The following GRID2 variants were observed in gnomAD, a reference collection of about 807,000 sequenced individuals.
GRID2 encodes the protein glutamate ionotropic receptor delta type subunit 2, also known as glutamate receptor ionotropic, delta-2.
A neutral mutation model predicts 114.8 loss-of-function variants in GRID2; 33 were observed. That is an observed-to-expected ratio of 0.29 (90% CI 0.22 to 0.38). The LOEUF (loss-of-function observed/expected upper bound fraction) is 0.38, where lower values mean the gene tolerates loss of function less well. Ranked by LOEUF, GRID2 falls within the 10% of genes least tolerant of loss-of-function variation. The pLI is 1.00. For missense variants in GRID2, 1,184 were observed against 1,257.7 expected (o/e 0.94, Z 0.89); for synonymous variants, 505 against 449.9 (o/e 1.12, Z -1.55).
chr4:93,191,652 A>G (rs766021103), intron 4 of GRID2, among the ~76,000 whole-genome samples: 8 of 152,094 alleles, frequency 5.3e-5, no homozygotes, highest in Non-Finnish European at 1.2e-4. Flanking sequence ...AAATAGCAAT[A>G]AACATTTATT....
intron 2 of GRID2, among the ~76,000 whole-genome samples, chr4:92,616,382 A>G (rs1178760941): frequency 1.3e-5 from 2 of 151,346 alleles, no homozygotes; most frequent in East Asian, 2.0e-4. Flanking sequence ...GATGAGTTAC[A>G]TTTCTCTTGT....
intron 1 of GRID2, among the ~76,000 whole-genome samples, chr4:92,413,856 A>T (rs749066059): frequency 6.6e-6 from 1 of 152,158 alleles, no homozygotes; most frequent in Non-Finnish European, 1.5e-5. Context: ...AAGAGAGATG[A>T]TCCCTACAAA....
intron 1 of GRID2, among the ~76,000 whole-genome samples, chr4:92,367,734 T>C (rs1008536962): frequency 6.6e-6 from 1 of 152,088 alleles, no homozygotes; most frequent in Non-Finnish European, 1.5e-5. Flanking sequence ...ATAAGATTTT[T>C]AAAATGTGTC....
At chr4:92,881,820 T>C (rs1303265067) in intron 2 of GRID2, among the ~76,000 whole-genome samples, 1 of 152,160 alleles carries the variant, frequency 6.6e-6, no homozygotes, top group Non-Finnish European at 1.5e-5. Flanking sequence ...AATATATGTT[T>C]TGATGTGATA....
intron 5 of GRID2, among the ~76,000 whole-genome samples, chr4:93,208,228 T>C (rs930413270): frequency 4.6e-5 from 7 of 151,974 alleles, no homozygotes; most frequent in Non-Finnish European, 1.0e-4. Context: ...AGATTTCTTT[T>C]AGGGACAAAA....
At chr4:93,184,482 A>G (rs969625846) in intron 4 of GRID2, among the ~76,000 whole-genome samples, 6 of 141,936 alleles carry the variant, frequency 4.2e-5, no homozygotes, top group South Asian at 2.4e-4. Context: ...CAACAGGATT[A>G]GTTCACTTTA....
chr4:92,491,614 A>G (rs558877474), intron 1 of GRID2, among the ~76,000 whole-genome samples: 1 of 151,984 alleles, frequency 6.6e-6, no homozygotes, highest in African/African-American at 2.4e-5. Flanking sequence ...TTTCATTGTC[A>G]TGTTTCACAT....
At position 92,304,482 on chromosome 4, in the gene GRID2, G is replaced by C. The variant is rs1238510961; in HGVS notation, c.-175G>C. The C allele has an allele frequency of 1.6e-6, 1 of 620,166 alleles. No homozygotes were observed. Among genetic ancestry groups the C allele is most frequent in the African/African-American group, 1.9e-5 (1 of 53,974 alleles). The allele number at this position is 620,166 out of a possible 1,614,324, so 38.4% of individuals were successfully genotyped here. A position where few individuals can be genotyped will look rare whatever the true frequency, so the allele number is the denominator to read the frequency against. On this transcript the variant is annotated 5_prime_UTR_variant, in exon 1 of 16. Transcript: ENST00000282020. ...GGTTTCCTCAGGCTGGGCTCTTTCTGTCATTCCCTTCTGCCTTTCTCGGCG... is the reference window on the plus strand; with the variant it reads ...GGTTTCCTCAGGCTGGGCTCTTTCTCTCATTCCCTTCTGCCTTTCTCGGCG...
intron 1 of GRID2, among the ~76,000 whole-genome samples, chr4:92,334,372 G>T (rs1343904469): frequency 6.6e-6 from 1 of 152,024 alleles, no homozygotes; most frequent in Admixed American, 6.6e-5. Flanking sequence ...AATTCTTCCT[G>T]CCTCTATCCA....
intron 1 of GRID2, among the ~76,000 whole-genome samples, chr4:92,373,712 C>T (rs894651910): frequency 1.3e-5 from 2 of 152,098 alleles, no homozygotes; most frequent in Non-Finnish European, 2.9e-5. Flanking sequence ...ACTACTCATA[C>T]AAATTGAATT....
chr4:92,381,241 G>C (rs1181233271), intron 1 of GRID2, among the ~76,000 whole-genome samples: 1 of 151,984 alleles, frequency 6.6e-6, no homozygotes, highest in Non-Finnish European at 1.5e-5. Context: ...GCCAGGTGAC[G>C]GAGTGACTGA....
At chr4:93,127,101 T>C (rs1734347755) in intron 4 of GRID2, among the ~76,000 whole-genome samples, 1 of 152,208 alleles carries the variant, frequency 6.6e-6, no homozygotes, top group African/African-American at 2.4e-5. Context: ...ATTTCACAAA[T>C]AAAAATTTTG....
intron 4 of GRID2, among the ~76,000 whole-genome samples, chr4:93,184,343 G>A (rs1196582572): frequency 1.3e-5 from 2 of 152,004 alleles, no homozygotes; most frequent in African/African-American, 2.4e-5. Context: ...TACTTAAGTG[G>A]TGTATTTACT....
chr4:93,267,399 C>T (rs1430052890), intron 8 of GRID2, among the ~76,000 whole-genome samples: 2 of 151,992 alleles, frequency 1.3e-5, no homozygotes, highest in Non-Finnish European at 2.9e-5. Flanking sequence ...GGAGAAATGC[C>T]CCAGCAGGGG....
chr4:93,428,008 G>C (rs1769019807), intron 10 of GRID2, among the ~76,000 whole-genome samples: 1 of 151,848 alleles, frequency 6.6e-6, no homozygotes, highest in African/African-American at 2.4e-5. Context: ...GAAATAAAAA[G>C]TATATCAAGT....
intron 1 of GRID2, among the ~76,000 whole-genome samples, chr4:92,318,722 C>T (rs768550820): frequency 2.0e-5 from 3 of 151,898 alleles, no homozygotes; most frequent in Non-Finnish European, 4.4e-5. Context: ...GATCTGCCCA[C>T]CTCAGCCTCC....
intron 2 of GRID2, among the ~76,000 whole-genome samples, chr4:92,611,513 A>G (rs1226026590): frequency 6.6e-6 from 1 of 151,556 alleles, no homozygotes; most frequent in Admixed American, 6.6e-5. Context: ...CACACTGAGC[A>G]TTAGTGTTCA....
intron 13 of GRID2, among the ~76,000 whole-genome samples, chr4:93,517,878 G>A (rs542721219): frequency 6.7e-6 from 1 of 149,304 alleles, no homozygotes; most frequent in Admixed American, 6.7e-5. Flanking sequence ...AATATCTTGG[G>A]CAAGAATCCA....
At chr4:93,711,313 C>A (rs1282163296) in intron 14 of GRID2, among the ~76,000 whole-genome samples, 1 of 152,128 alleles carries the variant, frequency 6.6e-6, no homozygotes, top group Non-Finnish European at 1.5e-5. Flanking sequence ...AGGAGGAAAT[C>A]CTTCTCCTAA....
Sources: gnomAD v4.1 joint callset for allele counts (sites outside exome capture counted in the v4.1 genomes callset) on GRCh38, gnomAD v4.1.1 for gene constraint, MANE v1.5 for transcripts, NCBI Gene and HGNC (gene_info 2026-07-23, HGNC 2026-07-21) for gene names.